Variants in WDR62 observed in about 807,000 individuals in gnomAD.
WDR62 encodes WD repeat-containing protein 62.
In WDR62, 112 loss-of-function variants were observed where a neutral mutation model predicts 160.6. That is an observed-to-expected ratio of 0.70 (90% CI 0.60 to 0.82). The LOEUF (loss-of-function observed/expected upper bound fraction) is 0.82, where lower values mean the gene tolerates loss of function less well. Among genes scored for constraint, WDR62 ranks in the 40% least tolerant of loss-of-function variants. The pLI is 0.00. For missense variants in WDR62, 1,819 were observed against 1,983.8 expected (o/e 0.92, Z 1.58); for synonymous variants, 792 against 815.1 (o/e 0.97, Z 0.48).
In WDR62 at chr19:36,060,021, A is replaced by T. The variant is rs1970564367; in HGVS notation, c.323A>T (p.Asn108Ile). The change falls in exon 3 of 32, where the codon AAC becomes ATC. Residue 108 changes from asparagine to isoleucine, a missense_variant. This residue lies in a region of WDR62 where 934 missense variants were observed against 1,157.2 expected (regional missense o/e 0.81). Transcript: ENST00000401500. ...PKENKQQHIFNTARKSLSALA... is the reference protein window; with the variant it reads ...PKENKQQHIFITARKSLSALA... ...GAGAACAAGCAGCAGCACATCTTTAACACCGCCAGGTAGGCTGAGGCCTGG... is the reference window on the plus strand; with the variant it reads ...GAGAACAAGCAGCAGCACATCTTTATCACCGCCAGGTAGGCTGAGGCCTGG... The T allele has an allele frequency of 6.2e-7, 1 of 1,614,184 alleles. No individual in the cohort carries two copies. The highest frequency in any genetic ancestry group is 1.3e-5 in the African/African-American group (1 of 75,048).
chr19:36,058,467 C>T (rs1256700190), intron 1 of WDR62, among the ~76,000 whole-genome samples: 1 of 152,244 alleles, frequency 6.6e-6, no homozygotes, highest in East Asian at 1.9e-4. Context: ...TCTCTTGCAC[C>T]CATCATTACT....
rs779595179 is a variant in WDR62, at chr19:36,102,118, C to T, written c.3187C>T (p.His1063Tyr). The part of the protein sequence containing the change: ...TPEQEKFLRH[H>Y]FETLTESPCR... ...GGAGCAGGAGAAGTTCCTCCGCCAC[C>T]ACTTTGAGACACTGACTGAGTCCCC... The change falls in exon 26 of 32, where the codon CAC becomes TAC. Residue 1063 changes from histidine to tyrosine, a missense_variant. Physicochemically the swap from His to Tyr is moderately conservative, Grantham distance 83. Around this residue, in one of 3 missense-constraint regions of WDR62, gnomAD observed 770 missense variants for 734.2 expected, o/e 1.05. Coordinates refer to ENST00000401500, the MANE Select transcript of WDR62 (RefSeq NM_001083961.2). The T allele has an allele frequency of 1.2e-6, 2 of 1,614,136 alleles. No individual in the cohort carries two copies. The highest frequency in any genetic ancestry group is 4.5e-5 in the East Asian group (2 of 44,870).
chr19:36,087,510 CAAA>C (rs1179949319), intron 13 of WDR62, among the ~76,000 whole-genome samples: 4 of 117,876 alleles, frequency 3.4e-5, no homozygotes, highest in Admixed American at 9.0e-5. Context: ...GACTTTGTCT[CAAA>C]AAAAAAAAAA....
intron 7 of WDR62, among the ~76,000 whole-genome samples, chr19:36,068,284 C>T (rs1971052659): frequency 6.6e-6 from 1 of 152,224 alleles, no homozygotes; most frequent in Non-Finnish European, 1.5e-5. Context: ...GTTGTTTTCC[C>T]ATGACTATTT....
At position 36,099,485 on chromosome 19, in the gene WDR62, C is replaced by G; in HGVS notation, c.2607C>G (p.Gly869=). Residue 869 remains glycine (G), a synonymous_variant, in exon 22 of 32, where the codon GGC becomes GGG. Transcript: ENST00000401500. ...ACGGCCGCTGGGCAGAGCGGGCCGG[C>G]CAAGAGCCCCTCAAGACCATCCTGG... ...QPHGRWAERA[G]QEPLKTILDA... 6.2e-7 allele frequency: 1 copy of G among 1,614,036 alleles called. No individual in the cohort carries two copies. The highest frequency in any genetic ancestry group is 8.5e-7 in the Non-Finnish European group (1 of 1,180,044).
intron 9 of WDR62, among the ~76,000 whole-genome samples, chr19:36,079,075 T>TG (rs1166564747): frequency 6.6e-6 from 1 of 151,470 alleles, no homozygotes; most frequent in Non-Finnish European, 1.5e-5. Context: ...TTTGTGGGGG[T>TG]GGGGTGGCAT....
Position 36,104,959 on chromosome 19 carries a change from G to C in WDR62, c.4503G>C (p.Leu1501=). 1 of 1,606,186 alleles carries C rather than the reference G, an allele frequency of 6.2e-7. No individual in the cohort carries two copies. Among genetic ancestry groups the C allele is most frequent in the Non-Finnish European group, 8.5e-7 (1 of 1,177,968 alleles). The change falls in exon 32 of 32, where the codon CTG becomes CTC. Residue 1501 remains leucine (L), a synonymous_variant. Transcript: ENST00000401500. Reference sequence around the variant, plus strand: ...TGTACCCCCTGGCCAGCCCAGACCTGCAGGCCCTGCTGGAACACTACTCGG... The same window carrying C: ...TGTACCCCCTGGCCAGCCCAGACCTCCAGGCCCTGCTGGAACACTACTCGG... ...PTLYPLASPD[L]QALLEHYSEL...
Position 36,102,848 on chromosome 19 carries a change from C to T in WDR62, c.3332C>T (p.Ser1111Phe), listed in dbSNP as rs1212716929. Residue 1111 changes from serine (S) to phenylalanine (F), a missense_variant, in exon 27 of 32, where the codon TCC becomes TTC. Ser to Phe is a radical substitution (Grantham distance 155). Transcript: ENST00000401500. ...TTCCTCTCAAGCCTCCAGAAGGCAT[C>T]CAGGTAGAAGCTGGCCAAGCACTGC... is the stretch of plus-strand genomic sequence containing the variant. ...TQFLSSLQKA[S>F]RFTHTFPPRA... The T allele has an allele frequency of 1.2e-6, 2 of 1,614,196 alleles. No homozygotes were observed. The highest frequency in any genetic ancestry group is 8.5e-7 in the Non-Finnish European group (1 of 1,180,022).
intron 9 of WDR62, among the ~76,000 whole-genome samples, chr19:36,077,009 T>C (rs1230171556): frequency 6.6e-6 from 1 of 152,102 alleles, no homozygotes; most frequent in Non-Finnish European, 1.5e-5. Flanking sequence ...AAAATATACA[T>C]GACATCAAGT....
At position 36,103,706 on chromosome 19, in the gene WDR62, C is replaced by A. The variant is rs868263026; in HGVS notation, c.3878C>A (p.Ala1293Asp). 2.0e-5 allele frequency: 32 copies of A among 1,610,576 alleles called. No homozygotes were observed. In the Middle Eastern group the frequency reaches 8.2e-4, roughly 41 times the overall value. Residue 1293 changes from alanine (A) to aspartate (D), a missense_variant, in exon 30 of 32, where the codon GCC becomes GAC. This residue lies in a region of WDR62 where 770 missense variants were observed against 734.2 expected (regional missense o/e 1.05). Transcript: ENST00000401500. ...CTGCGTTCCTGGGGCAACCACGAGGCCCGGGCCAACCTGAGACTGACCCTG... is the reference window on the plus strand; with the variant it reads ...CTGCGTTCCTGGGGCAACCACGAGGACCGGGCCAACCTGAGACTGACCCTG... ...PALRSWGNHEARANLRLTLSS... is the reference protein window; with the variant it reads ...PALRSWGNHEDRANLRLTLSS...
chr19:36,104,427 A>G, intron 30 of WDR62, 91 bp from the exon 31 acceptor site: 1 of 1,525,834 alleles, frequency 6.6e-7, no homozygotes, highest in Admixed American at 1.7e-5. Flanking sequence ...TGTTCCAGAC[A>G]GAAGTACAGC....
Position 36,091,368 on chromosome 19 carries a change from G to A in WDR62, c.2147-34G>A, listed in dbSNP as rs2301736. 719,052 of 1,356,602 alleles carry A rather than the reference G, an allele frequency of 0.53. 163,932 individuals are homozygous for A. Among genetic ancestry groups the A allele is most frequent in the East Asian group, 0.65 (26,312 of 40,764 alleles). The allele number at this position is 1,356,602 out of a possible 1,614,324, so 84.0% of individuals were successfully genotyped here. ...CCACCCGCCCACACCCTCTGACTCC[G>A]AAGGCAAGTGCAGCCTCTCTGCTTT... is the stretch of plus-strand genomic sequence containing the variant. On this transcript the variant is annotated intron_variant, in intron 17 of 31. Coordinates refer to ENST00000401500, the MANE Select transcript of WDR62 (RefSeq NM_001083961.2).
At position 36,055,050 on chromosome 19, in the gene WDR62, G is replaced by T; in HGVS notation, c.79G>T (p.Ala27Ser). 1 of 1,589,900 alleles carries T rather than the reference G, an allele frequency of 6.3e-7. No homozygotes were observed. The highest frequency in any genetic ancestry group is 1.3e-5 in the African/African-American group (1 of 74,606). The change falls in exon 1 of 32, where the codon GCG (alanine) becomes TCG (serine). Residue 27 changes from alanine to serine, a missense_variant. Physicochemically the swap from Ala to Ser is moderately conservative, Grantham distance 99. Around this residue, in one of 3 missense-constraint regions of WDR62, gnomAD observed 115 missense variants for 92.4 expected, o/e 1.24. Transcript: ENST00000401500. Reference protein sequence around the residue: ...KLPSVMAGVPARRGQSSPPPA... With the variant: ...KLPSVMAGVPSRRGQSSPPPA... ...GCCCTCTGTCATGGCGGGAGTTCCG[G>T]CGCGGAGGGGCCAGTCCTCCCCGCC...
the WDR62 span, chr19:36,111,038 C>G: frequency 1.5e-6 from 1 of 655,116 alleles, no homozygotes; most frequent in Non-Finnish European, 2.6e-6. Flanking sequence ...CAGGGGTAAC[C>G]TGAGCCAGCT....
rs145802857 is a variant in WDR62, at chr19:36,101,263, G to A, written c.2917G>A (p.Asp973Asn). ...GGCCGGGCCTGGAGACCAGCAGGGC[G>A]ACTCCTACCTCAGGGTGTCCTCCGA... is the stretch of plus-strand genomic sequence containing the variant. ...VEAGPGDQQG[D>N]SYLRVSSDSP... Residue 973 changes from aspartate (D) to asparagine (N), a missense_variant, in exon 24 of 32, where the codon GAC becomes AAC. Transcript: ENST00000401500. 9 of 1,613,016 alleles carry A rather than the reference G, an allele frequency of 5.6e-6. No individual in the cohort carries two copies. Among genetic ancestry groups the A allele is most frequent in the Admixed American group, 1.7e-5 (1 of 59,918 alleles).
chr19:36,108,218 G>A (rs1043620918), downstream of WDR62, among the ~76,000 whole-genome samples: 1 of 152,090 alleles, frequency 6.6e-6, no homozygotes, highest in Admixed American at 6.5e-5. Flanking sequence ...AAATCCTACT[G>A]GAAGCCAGAG....
Position 36,090,472 on chromosome 19 carries a change from G to A in WDR62, c.1986G>A (p.Gln662=). The part of the protein sequence containing the change: ...VRVYNTVNGK[Q]KKCYKGSQGD... ...TCTACAACACTGTGAACGGGAAGCAGAAGAAGTGCTACAAGGGCTCCCAGG... is the reference window on the plus strand; with the variant it reads ...TCTACAACACTGTGAACGGGAAGCAAAAGAAGTGCTACAAGGGCTCCCAGG... The change falls in exon 16 of 32, where the codon CAG becomes CAA. Residue 662 remains glutamine, a synonymous_variant. Coordinates refer to ENST00000401500, the MANE Select transcript of WDR62 (RefSeq NM_001083961.2). 6.2e-7 allele frequency: 1 copy of A among 1,614,006 alleles called. No individual in the cohort carries two copies. The highest frequency in any genetic ancestry group is 8.5e-7 in the Non-Finnish European group (1 of 1,179,876).
intron 3 of WDR62, among the ~76,000 whole-genome samples, chr19:36,064,278 T>C (rs1392793073): frequency 4.6e-5 from 7 of 152,112 alleles, no homozygotes; most frequent in South Asian, 2.1e-4. Context: ...CATTTTTTTT[T>C]TCTGTCTCTC....
At chr19:36,101,096 C>A in intron 23 of WDR62, 118 bp from the exon 24 acceptor site, 1 of 1,176,546 alleles carries the variant, frequency 8.5e-7, no homozygotes, top group Non-Finnish European at 1.2e-6. Flanking sequence ...GGCGGGGAGG[C>A]TGTCGCAGTG....
Sources: gnomAD v4.1 joint callset for allele counts (sites outside exome capture counted in the v4.1 genomes callset) on GRCh38, gnomAD v4.1.1 for gene constraint, gnomAD v4.1.1 regional missense constraint, MANE v1.5 for transcripts, NCBI Gene and HGNC (gene_info 2026-07-23, HGNC 2026-07-21) for gene names.